Variants in MMP20 observed in about 807,000 individuals in gnomAD.
MMP20 encodes matrix metallopeptidase 20, also known as matrix metalloproteinase-20.
Under a neutral mutation model 51.8 loss-of-function variants are expected in MMP20, and 50 were observed. That is an observed-to-expected ratio of 0.97 (90% CI 0.77 to 1.22). The LOEUF (loss-of-function observed/expected upper bound fraction) is 1.22. Ranked by LOEUF, MMP20 falls within the 50% of genes most tolerant of loss-of-function variation. The pLI, the probability that MMP20 is intolerant of heterozygous loss-of-function variation, is 0.00. For missense variants in MMP20, 663 were observed against 601.4 expected (o/e 1.10, Z -1.07); for synonymous variants, 244 against 216.2 (o/e 1.13, Z -1.13).
rs766676232 is a variant in MMP20, at chr11:102,606,515, G to A, written c.953+20C>T. On this transcript the variant is annotated intron_variant, in intron 6 of 9. Transcript: ENST00000260228. ...TGGAGATGAGGCCCAATGAGAGTCGGTGGCGTGTCTGAGGCTTACCGGTCC... is the reference window on the plus strand; with the variant it reads ...TGGAGATGAGGCCCAATGAGAGTCGATGGCGTGTCTGAGGCTTACCGGTCC... 2.5e-6 allele frequency: 4 copies of A among 1,613,664 alleles called. No individual in the cohort carries two copies. Among genetic ancestry groups the A allele is most frequent in the Non-Finnish European group, 3.4e-6 (4 of 1,179,754 alleles).
chr11:102,610,008 G>A lies in MMP20; in HGVS notation c.546C>T (p.Phe182=), dbSNP rs148659857. The change falls in exon 4 of 10, where the codon TTC becomes TTT. Residue 182 remains phenylalanine, a synonymous_variant. Coordinates refer to ENST00000260228, the MANE Select transcript of MMP20 (RefSeq NM_004771.4). ...ENGDHGDSYP[F]DGPRGTLAHA... is the part of the protein sequence containing the mutation. ...GGGCTAGAGTCCCCCGAGGCCCATC[G>A]AATGGATAGGAATCCCCGTGATCTA... 2.3e-4 allele frequency: 364 copies of A among 1,614,046 alleles called. No individual in the cohort carries two copies. Among genetic ancestry groups the A allele is most frequent in the Middle Eastern group, 3.3e-4 (2 of 6,062 alleles).
chr11:102,612,903 A>G (rs1172157863), intron 2 of MMP20, among the ~76,000 whole-genome samples: 2 of 151,806 alleles, frequency 1.3e-5, no homozygotes, highest in East Asian at 3.9e-4. Flanking sequence ...CGCCGGGCTA[A>G]TTTTTATATT....
chr11:102,608,039 G>A (rs1306991411), intron 5 of MMP20: 2 of 152,144 alleles, frequency 1.3e-5, no homozygotes, highest in African/African-American at 2.4e-5. Context: ...GATTTTGAAT[G>A]GTGTGCCCAT....
chr11:102,578,496 C>G (rs1213131079), intron 9 of MMP20, among the ~76,000 whole-genome samples: 1 of 152,166 alleles, frequency 6.6e-6, no homozygotes, highest in Non-Finnish European at 1.5e-5. Flanking sequence ...ACTTTATGAT[C>G]TAGCTGACTA....
rs1361237551 is a variant in MMP20 at position 102,608,945 on chromosome 11, G to T, written c.803C>A (p.Ala268Glu). 1 of 1,614,082 alleles carries T rather than the reference G, an allele frequency of 6.2e-7. No homozygotes were observed. The highest frequency in any genetic ancestry group is 8.5e-7 in the Non-Finnish European group (1 of 1,179,948). Residue 268 changes from alanine (A) to glutamate (E), a missense_variant, in exon 5 of 10, where the codon GCA (alanine) becomes GAA (glutamate). Physicochemically the swap from Ala to Glu is moderately radical, Grantham distance 107 (BLOSUM62 -1). Transcript: ENST00000260228. The part of the protein sequence containing the change: ...LPKDDVKGIQ[A>E]LYGPRKVFLG... ...GAAGGTAATAATCTTACCGTATAAT[G>T]CCTGGATCCCTTTCACATCATCTTT...
Position 102,616,990 on chromosome 11 carries a change from T to C in MMP20, c.196A>G (p.Asn66Asp). The C allele has an allele frequency of 6.2e-7, 1 of 1,614,178 alleles. No individual in the cohort carries two copies. Residue 66 changes from asparagine (N) to aspartate (D), a missense_variant, in exon 2 of 10, where the codon AAT (asparagine) becomes GAT (aspartate). Physicochemically the swap from Asn to Asp is conservative, Grantham distance 23. Coordinates refer to ENST00000260228, the MANE Select transcript of MMP20 (RefSeq NM_004771.4). Reference sequence around the variant, plus strand: ...TCCTTAATCTTCCTTATCATGGAATTGCTTCCTCTTGCAACCATCTCACCA... The same window carrying C: ...TCCTTAATCTTCCTTATCATGGAATCGCTTCCTCTTGCAACCATCTCACCA... The part of the protein sequence containing the change: ...QIGEMVARGS[N>D]SMIRKIKELQ...
At position 102,593,440 on chromosome 11, in the gene MMP20, T is replaced by G. The variant is rs775319636; in HGVS notation, c.1246A>C (p.Ser416Arg). ...TLFFVGDEYY[S>R]YDERKRKMEK... is the part of the protein sequence containing the mutation. The stretch of plus-strand genomic sequence containing the variant: ...TAGTAAAAAGGAAAAAAGCCATACC[T>G]GTAGTATTCATCTCCCACAAAGAAA... The change falls in exon 8 of 10, where the codon AGC becomes CGC. Residue 416 changes from serine to arginine, a missense_variant and splice_region_variant. Transcript: ENST00000260228. 30 of 1,613,900 alleles carry G rather than the reference T, an allele frequency of 1.9e-5. No individual in the cohort carries two copies. Among genetic ancestry groups the G allele is most frequent in the Non-Finnish European group, 1.8e-5 (21 of 1,179,778 alleles).
chr11:102,598,752 C>T (rs184078918), intron 6 of MMP20, among the ~76,000 whole-genome samples: 1 of 152,254 alleles, frequency 6.6e-6, no homozygotes, highest in African/African-American at 2.4e-5. Flanking sequence ...CTGGTGCATC[C>T]AGGGACTTGA....
intron 6 of MMP20, among the ~76,000 whole-genome samples, chr11:102,595,343 A>G (rs1179634773): frequency 1.3e-5 from 2 of 152,184 alleles, no homozygotes; most frequent in Non-Finnish European, 1.5e-5. Flanking sequence ...TTATTTAAGG[A>G]TGTTCAAAAT....
rs1227710778 is a variant in MMP20, at chr11:102,594,769, TCC to T, written c.954-14_954-13del. ...GTCTCCAGAAAATCCTATGGGACAT[TCC>T]AAAAAAAAAAAAAAAAAAAATCAAG... On this transcript the variant is annotated splice_polypyrimidine_tract_variant and intron_variant, in intron 6 of 9. Coordinates refer to ENST00000260228, the MANE Select transcript of MMP20 (RefSeq NM_004771.4). The T allele has an allele frequency of 7.1e-7, 1 of 1,410,402 alleles. No homozygotes were observed. The highest frequency in any genetic ancestry group is 9.1e-7 in the Non-Finnish European group (1 of 1,095,376). The allele number at this position is 1,410,402 out of a possible 1,614,324, so 87.4% of individuals were successfully genotyped here.
At chr11:102,589,902 C>G (rs1859298519) in intron 8 of MMP20, among the ~76,000 whole-genome samples, 1 of 152,096 alleles carries the variant, frequency 6.6e-6, no homozygotes, top group Non-Finnish European at 1.5e-5. Flanking sequence ...ATAAAAACAT[C>G]TATTTCTAGT....
chr11:102,585,792 T>C (rs922987113), intron 8 of MMP20, among the ~76,000 whole-genome samples: 1 of 152,226 alleles, frequency 6.6e-6, no homozygotes, highest in African/African-American at 2.4e-5. Context: ...CTAGGTTTTA[T>C]TCCTAGGTTG....
chr11:102,614,797 C>T (rs886821258), intron 2 of MMP20, among the ~76,000 whole-genome samples: 2 of 74,780 alleles, frequency 2.7e-5, no homozygotes, highest in Middle Eastern at 5.2e-3. Flanking sequence ...AGTGGCTCTA[C>T]AAGGAGAAAA....
intron 2 of MMP20, among the ~76,000 whole-genome samples, chr11:102,612,574 CCAAA>C (rs1859616059): frequency 6.6e-6 from 1 of 151,910 alleles, no homozygotes; most frequent in Admixed American, 6.6e-5. Context: ...CTCTTTTTCC[CCAAA>C]GGGACTGGAT....
chr11:102,593,695 T>C (rs1179365303), intron 7 of MMP20, 100 bp from the exon 8 acceptor site: 1 of 1,304,850 alleles, frequency 7.7e-7, no homozygotes, highest in Non-Finnish European at 1.1e-6. Context: ...GGTTAGTTTA[T>C]GGGATACTTG....
intron 7 of MMP20, 47 bp from the exon 8 acceptor site, chr11:102,593,642 A>T: frequency 6.3e-7 from 1 of 1,593,328 alleles, no homozygotes; most frequent in Non-Finnish European, 8.6e-7. Context: ...CCACTTGGTG[A>T]TGCACTTCTC....
chr11:102,609,274 T>TC (rs1208880941), intron 4 of MMP20, among the ~76,000 whole-genome samples, 176 bp from the exon 5 acceptor site: 2 of 151,984 alleles, frequency 1.3e-5, no homozygotes, highest in African/African-American at 2.4e-5. Context: ...CTTTAATTCT[T>TC]CCCCCCTTGG....
intron 3 of MMP20, among the ~76,000 whole-genome samples, chr11:102,610,378 G>C (rs368090023): frequency 6.6e-6 from 1 of 152,048 alleles, no homozygotes; most frequent in South Asian, 2.1e-4. Context: ...GGGGCGGCGG[G>C]GGGGCGGCAT....
intron 1 of MMP20, among the ~76,000 whole-genome samples, chr11:102,620,856 G>A (rs1479194346): frequency 6.6e-6 from 1 of 152,224 alleles, no homozygotes; most frequent in Non-Finnish European, 1.5e-5. Context: ...GAGGTCTGAG[G>A]GGAATGGGTG....
Sources: allele counts gnomAD v4.1 joint callset (sites outside exome capture counted in the v4.1 genomes callset), GRCh38; gene constraint gnomAD v4.1.1; transcripts MANE v1.5; gene names NCBI Gene and HGNC (gene_info 2026-07-23, HGNC 2026-07-21).